LCP2: variants seen among roughly 807,000 people sequenced by gnomAD.
LCP2 encodes the protein lymphocyte cytosolic protein 2, also known as 76 kDa tyrosine phosphoprotein.
In LCP2, 29 loss-of-function variants were observed where a neutral mutation model predicts 74.5. The observed-to-expected ratio is 0.39, with a 90% CI of 0.29 to 0.53. The LOEUF is 0.53. Ranked by LOEUF, LCP2 falls within the 20% of genes least tolerant of loss-of-function variation. The pLI is 0.72. For synonymous variants in LCP2, 228 were observed against 229.5 expected (o/e 0.99, Z 0.06); for missense variants, 604 against 634.6 (o/e 0.95, Z 0.52).
Position 170,256,433 on chromosome 5 carries a change from T to C in LCP2, c.1150+93A>G. On this transcript the variant is annotated intron_variant, in intron 17 of 20. Transcript: ENST00000046794. The surrounding 1 kb of genome is among the most constrained non-coding windows in gnomAD (Gnocchi z 4.5). ...GAAATCAGATGCTTTTAGGAAACAA[T>C]AAAACCTTTGTCGAAAGCTTTTGGG... is the stretch of plus-strand genomic sequence containing the variant. The C allele has an allele frequency of 2.9e-6, 3 of 1,017,304 alleles. No homozygotes were observed. Among genetic ancestry groups the C allele is most frequent in the Non-Finnish European group, 4.7e-6 (3 of 642,462 alleles). The allele number at this position is 1,017,304 out of a possible 1,614,324, so 63.0% of individuals were successfully genotyped here. A position where few individuals can be genotyped will look rare whatever the true frequency, so the allele number is the denominator to read the frequency against.
intron 2 of LCP2, 103 bp downstream of exon 2, chr5:170,293,207 C>T: frequency 1.8e-6 from 2 of 1,137,628 alleles, no homozygotes; most frequent in Non-Finnish European, 2.6e-6. Flanking sequence ...GCAAAGGGAT[C>T]CTCGGGTGTC....
At position 170,266,873 on chromosome 5, in the gene LCP2, T is replaced by C; in HGVS notation, c.707A>G (p.Asp236Gly). Residue 236 changes from aspartate to glycine, a missense_variant, in exon 10 of 21, where the codon GAC becomes GGC. Transcript: ENST00000046794. The stretch of plus-strand genomic sequence containing the variant: ...ATCTAGGGGAGGTTTCGTGCTTCTG[T>C]CTATTGAAGGAGCAGGGACTGGAAG... ...KTAKLPAPSI[D>G]RSTKPPLDRS... 3 of 1,613,824 alleles carry C rather than the reference T, an allele frequency of 1.9e-6. No homozygotes were observed. The highest frequency in any genetic ancestry group is 2.5e-6 in the Non-Finnish European group (3 of 1,179,820).
intron 3 of LCP2, among the ~76,000 whole-genome samples, chr5:170,281,532 G>A (rs533503943): frequency 2.6e-5 from 4 of 152,136 alleles, no homozygotes; most frequent in Non-Finnish European, 2.9e-5. Flanking sequence ...CGCCCGCCTT[G>A]GCCTCCCAAA....
intron 3 of LCP2, among the ~76,000 whole-genome samples, chr5:170,281,831 C>T (rs533541363): frequency 2.0e-5 from 3 of 152,304 alleles, no homozygotes; most frequent in East Asian, 3.9e-4. Context: ...GAGCATCATC[C>T]AATACCTAAT....
At chr5:170,270,454 G>A (rs145234774) in intron 7 of LCP2, 163 of 400,176 alleles carry the variant, frequency 4.1e-4, no homozygotes, top group African/African-American at 3.3e-3. Context: ...GCCACCATAG[G>A]CAAGAATTGG....
Position 170,256,576 on chromosome 5 carries a change from C to G in LCP2, c.1101-1G>C, listed in dbSNP as rs747968252. 4.2e-5 allele frequency: 67 copies of G among 1,610,582 alleles called. 1 individual carries two copies. The highest frequency in any genetic ancestry group is 5.7e-5 in the Non-Finnish European group (67 of 1,176,928). ...GGCACTCTGTGGAAAACTGCTGTTACTGAGGAGACAGAAAAAGAACAAAAT... is the reference window on the plus strand; with the variant it reads ...GGCACTCTGTGGAAAACTGCTGTTAGTGAGGAGACAGAAAAAGAACAAAAT... On this transcript the variant is annotated splice_acceptor_variant, in intron 16 of 20. Coordinates refer to ENST00000046794, the MANE Select transcript of LCP2 (RefSeq NM_005565.5). LOFTEE classifies it high-confidence loss of function. The surrounding 1 kb of genome is among the most constrained non-coding windows in gnomAD (Gnocchi z 4.5).
chr5:170,250,646 G>C lies in LCP2; in HGVS notation c.1479+84C>G. 4.7e-6 allele frequency: 5 copies of C among 1,069,540 alleles called. No individual in the cohort carries two copies. The South Asian group carries it at 6.3e-5, about 14-fold the overall frequency. The allele number at this position is 1,069,540 out of a possible 1,614,324, so 66.3% of individuals were successfully genotyped here. ...TAATCCTAAATTTGCCATACAGCAC[G>C]GACTCTCAAAGATCGCTCCATGAAG... On this transcript the variant is annotated intron_variant, in intron 20 of 20. Transcript: ENST00000046794.
intron 16 of LCP2, among the ~76,000 whole-genome samples, chr5:170,257,763 C>T (rs1048858046): frequency 6.6e-6 from 1 of 152,052 alleles, no homozygotes; most frequent in Non-Finnish European, 1.5e-5. Context: ...TGAAAATATT[C>T]TTTGTTTTCT....
chr5:170,258,807 C>G lies in LCP2; in HGVS notation c.970+59G>C, dbSNP rs548940569. On this transcript the variant is annotated intron_variant, in intron 15 of 20. Coordinates refer to ENST00000046794, the MANE Select transcript of LCP2 (RefSeq NM_005565.5). ...TGTACTAAACAATTCCACTTGAATGCCTGAGCAGGAAAATGAAAGAATGAG... is the reference window on the plus strand; with the variant it reads ...TGTACTAAACAATTCCACTTGAATGGCTGAGCAGGAAAATGAAAGAATGAG... 2.2e-4 allele frequency: 285 copies of G among 1,280,238 alleles called. 1 individual carries two copies. The Admixed American group carries it at 5.1e-3, about 23-fold the overall frequency. The allele number at this position is 1,280,238 out of a possible 1,614,324, so 79.3% of individuals were successfully genotyped here. A position where few individuals can be genotyped will look rare whatever the true frequency, so the allele number is the denominator to read the frequency against.
At chr5:170,270,992 C>T in intron 6 of LCP2, 75 bp from the exon 7 acceptor site, 1 of 1,286,980 alleles carries the variant, frequency 7.8e-7, no homozygotes, top group Non-Finnish European at 1.1e-6. Context: ...CCTACTCTCT[C>T]CCTGCCAAGC....
chr5:170,290,968 G>GA (rs1491034325), intron 2 of LCP2, among the ~76,000 whole-genome samples: 1 of 24,998 alleles, frequency 4.0e-5, no homozygotes, highest in African/African-American at 1.5e-4. Flanking sequence ...AAGAAAGAAA[G>GA]AAAGAAAGAA....
rs80274071 is a variant in LCP2, at chr5:170,285,667, C to T, written c.188+2303G>A. ...CGAATGACTATGTTTTCCAGCCAGG[C>T]TGGTAGAAATAAGCACCATTTCCAG... On this transcript the variant is annotated intron_variant, in intron 3 of 20. Transcript: ENST00000046794. Among the ~76,000 whole-genome samples the T allele has an allele frequency of 8.7e-3, 1,321 of 152,314 alleles. 20 individuals carry two copies. The highest frequency in any genetic ancestry group is 0.031 in the African/African-American group (1,272 of 41,558).
intron 14 of LCP2, among the ~76,000 whole-genome samples, chr5:170,259,144 A>T (rs2113161220): frequency 6.6e-6 from 1 of 152,318 alleles, no homozygotes; most frequent in Non-Finnish European, 1.5e-5. Flanking sequence ...AGGTGCCTAA[A>T]AGGGCCCAAA....
intron 10 of LCP2, among the ~76,000 whole-genome samples, chr5:170,264,607 G>T (rs1761714757): frequency 6.6e-6 from 1 of 152,190 alleles, no homozygotes; most frequent in African/African-American, 2.4e-5. Context: ...AGATCAGCCT[G>T]GTGAACACAG....
In LCP2 at chr5:170,289,666, T is replaced by TC. The variant is rs1491151767; in HGVS notation, c.142-1651_142-1650insG. Reference sequence around the variant, plus strand: ...CTTTCTTTCTTTCTTTCTTTCTTTCTTTCTTTCTCTCTCTCTCTCTTTCTT... The same window carrying TC: ...CTTTCTTTCTTTCTTTCTTTCTTTCTCTTCTTTCTCTCTCTCTCTCTTTCTT... On this transcript the variant is annotated intron_variant, in intron 2 of 20. Coordinates refer to ENST00000046794, the MANE Select transcript of LCP2 (RefSeq NM_005565.5). Among the ~76,000 whole-genome samples the TC allele has an allele frequency of 7.6e-5, 6 of 79,282 alleles. No homozygotes were observed. In the East Asian group the frequency reaches 1.0e-3, roughly 14 times the overall value. 52.0% of individuals were successfully genotyped at this position (79,282 alleles called of 152,430 possible).
chr5:170,278,710 C>A (rs994645652), intron 3 of LCP2, among the ~76,000 whole-genome samples: 1 of 152,104 alleles, frequency 6.6e-6, no homozygotes, highest in Admixed American at 6.5e-5. Flanking sequence ...CTGCTCTCTG[C>A]GGTGTTGCCT....
rs1761549996 is a variant in LCP2, at chr5:170,256,290, A to G, written c.1150+236T>C. Among the ~76,000 whole-genome samples the G allele has an allele frequency of 6.6e-6, 1 of 152,102 alleles. No homozygotes were observed. ...TGTGTGTGTGTGCATGTATATGTGC[A>G]TGTGTGTATGGGCATGTATATGTAT... On this transcript the variant is annotated intron_variant, in intron 17 of 20. Transcript: ENST00000046794. This position sits in a 1 kb window ranked among gnomAD's most constrained non-coding sequence, Gnocchi z 4.5.
chr5:170,266,984 A>G (rs1761772841), intron 9 of LCP2, 25 bp downstream of exon 9: 1 of 1,613,584 alleles, frequency 6.2e-7, no homozygotes, highest in Non-Finnish European at 8.5e-7. Flanking sequence ...GGAACAGGGC[A>G]AGAGAGAGCA....
At chr5:170,286,943 G>T (rs1444804379) in intron 3 of LCP2, among the ~76,000 whole-genome samples, 2 of 152,196 alleles carry the variant, frequency 1.3e-5, no homozygotes, top group Non-Finnish European at 2.9e-5. Flanking sequence ...TAGCCCTTAG[G>T]TGTGTTTACT....
Sources: allele counts gnomAD v4.1 joint callset (sites outside exome capture counted in the v4.1 genomes callset), GRCh38; gene constraint gnomAD v4.1.1; non-coding constraint Gnocchi (gnomAD v3.1); transcripts MANE v1.5; gene names NCBI Gene and HGNC (gene_info 2026-07-23, HGNC 2026-07-21).